The following PRKG1 variants were observed in gnomAD, a reference collection of about 807,000 sequenced individuals.
PRKG1 encodes the protein cGMP-dependent protein kinase 1.
In PRKG1, 35 loss-of-function variants were observed where a neutral mutation model predicts 88.1. The ratio of observed to expected loss-of-function variants is 0.40; its 90% confidence interval spans 0.30 to 0.53. The LOEUF is 0.53. Among genes scored for constraint, PRKG1 ranks in the 20% least tolerant of loss-of-function variants. The pLI, the probability that PRKG1 is intolerant of heterozygous loss-of-function variation, is 0.59. For missense variants in PRKG1, 540 were observed against 839.8 expected (o/e 0.64, Z 4.41); for synonymous variants, 303 against 292.5 (o/e 1.04, Z -0.37).
chr10:52,231,047 T>C (rs1840508983), intron 9 of PRKG1: 1 of 152,208 alleles, frequency 6.6e-6, no homozygotes, highest in Admixed American at 6.5e-5. Flanking sequence ...ATGTGCTTCT[T>C]CATGGAGCAC....
intron 9 of PRKG1, among the ~76,000 whole-genome samples, chr10:52,232,698 C>T (rs1840553857): frequency 6.6e-6 from 1 of 152,158 alleles, no homozygotes; most frequent in African/African-American, 2.4e-5. Flanking sequence ...GTGACTACTT[C>T]TGCTTCTGTT....
intron 1 of PRKG1, among the ~76,000 whole-genome samples, chr10:51,042,193 G>A (rs1223751895): frequency 3.3e-5 from 5 of 152,026 alleles, no homozygotes; most frequent in African/African-American, 1.2e-4. Flanking sequence ...TAAAATAATG[G>A]TGAGTAGTAA....
chr10:52,133,919 T>G lies in PRKG1; in HGVS notation c.1001+14T>G, dbSNP rs1002056522. ...GATTGACAGAGAGTAAGTACATTGT[T>G]TTATTATGTGAATTACACACTCATA... is the stretch of plus-strand genomic sequence containing the variant. On this transcript the variant is annotated intron_variant, in intron 8 of 17. Transcript: ENST00000373980. 1 of 1,605,538 alleles carries G rather than the reference T, an allele frequency of 6.2e-7. No individual in the cohort carries two copies. Among genetic ancestry groups the G allele is most frequent in the African/African-American group, 1.3e-5 (1 of 74,708 alleles).
At chr10:52,185,746 A>C (rs1839183526) in intron 9 of PRKG1, among the ~76,000 whole-genome samples, 1 of 152,198 alleles carries the variant, frequency 6.6e-6, no homozygotes, top group Admixed American at 6.5e-5. Context: ...TTACTCTTGC[A>C]TTTCGTGCAC....
chr10:51,636,899 T>C (rs76787061), intron 3 of PRKG1, among the ~76,000 whole-genome samples: 6,245 of 152,280 alleles, frequency 0.041, 201 homozygotes, highest in South Asian at 0.1. Flanking sequence ...TGAGTTTTAT[T>C]CTTCACAGGG....
chr10:51,324,261 C>T (rs1321050111), intron 2 of PRKG1, among the ~76,000 whole-genome samples: 1 of 152,126 alleles, frequency 6.6e-6, no homozygotes, highest in Non-Finnish European at 1.5e-5. Context: ...TCCTTCCTTT[C>T]CTTCCAGGCC....
intron 7 of PRKG1, among the ~76,000 whole-genome samples, chr10:52,073,265 T>C (rs1325590000): frequency 6.6e-6 from 1 of 152,234 alleles, no homozygotes; most frequent in African/African-American, 2.4e-5. Context: ...TGATCATATC[T>C]GGAAGACCTT....
At chr10:51,214,323 G>A (rs1293720268) in intron 2 of PRKG1, among the ~76,000 whole-genome samples, 1 of 152,144 alleles carries the variant, frequency 6.6e-6, no homozygotes, top group Non-Finnish European at 1.5e-5. Flanking sequence ...TCCCTTCAAT[G>A]ATATTTGTCC....
At chr10:52,272,241 T>A in intron 11 of PRKG1, 151 bp from the exon 12 acceptor site, 1 of 537,336 alleles carries the variant, frequency 1.9e-6, no homozygotes, top group East Asian at 3.1e-5. Flanking sequence ...AGCCATTGGC[T>A]TCTTTTCCCC....
chr10:51,168,504 T>A (rs546311451), intron 2 of PRKG1, among the ~76,000 whole-genome samples: 3 of 152,256 alleles, frequency 2.0e-5, no homozygotes, highest in South Asian at 4.1e-4. Context: ...TCAAATAGAG[T>A]AAACATCCAT....
chr10:51,456,190 C>G (rs1260040816), intron 2 of PRKG1, among the ~76,000 whole-genome samples: 3 of 152,134 alleles, frequency 2.0e-5, no homozygotes. Flanking sequence ...ACCATCAGAT[C>G]TCATAAGACT....
At chr10:51,358,285 C>A (rs1842408718) in intron 2 of PRKG1, among the ~76,000 whole-genome samples, 1 of 151,852 alleles carries the variant, frequency 6.6e-6, no homozygotes, top group Non-Finnish European at 1.5e-5. Context: ...ATCCAAGATA[C>A]CAAGGCAATG....
chr10:51,266,944 T>C (rs1324253506), intron 2 of PRKG1, among the ~76,000 whole-genome samples: 1 of 152,196 alleles, frequency 6.6e-6, no homozygotes, highest in East Asian at 1.9e-4. Context: ...GATTTAGATA[T>C]ATAAACAAAG....
At chr10:52,099,403 A>AT (rs1847245927) in intron 7 of PRKG1, among the ~76,000 whole-genome samples, 1 of 152,102 alleles carries the variant, frequency 6.6e-6, no homozygotes, top group Admixed American at 6.6e-5. Context: ...CTAGGAAGAG[A>AT]TTTTTCCCTG....
chr10:51,683,645 G>A (rs1302885996), intron 3 of PRKG1, among the ~76,000 whole-genome samples: 1 of 152,128 alleles, frequency 6.6e-6, no homozygotes, highest in East Asian at 1.9e-4. Flanking sequence ...TGATCTGACT[G>A]GATCCTACCA....
chr10:52,171,848 T>C (rs1183763321), intron 9 of PRKG1, among the ~76,000 whole-genome samples: 1 of 130,288 alleles, frequency 7.7e-6, no homozygotes, highest in Non-Finnish European at 1.5e-5. Flanking sequence ...CAGGTCGGAC[T>C]GCGGACTGCA....
chr10:51,837,887 A>G (rs1840171361), intron 4 of PRKG1, among the ~76,000 whole-genome samples: 1 of 152,034 alleles, frequency 6.6e-6, no homozygotes, highest in African/African-American at 2.4e-5. Context: ...AATTCACCCA[A>G]CTTTTTGCTT....
At chr10:51,520,731 A>G (rs1841714272) in intron 3 of PRKG1, among the ~76,000 whole-genome samples, 1 of 152,234 alleles carries the variant, frequency 6.6e-6, no homozygotes, top group Non-Finnish European at 1.5e-5. Context: ...ATTTTTGCAT[A>G]TTGACCTCAT....
Position 50,991,293 on chromosome 10 carries a change from C to CTGCCGGCTGCCG in PRKG1, c.-84_-73dup. On this transcript the variant is annotated 5_prime_UTR_variant, in exon 1 of 18. Transcript: ENST00000401604. This position sits in a 1 kb window ranked among gnomAD's most constrained non-coding sequence, Gnocchi z 4.5. ...TTCACTCGCTCACCCGCGCTCTCCG[C>CTGCCGGCTGCCG]TGCCGGCTGCCGTCCCAGCCGCCGC... 4 of 1,415,938 alleles carry CTGCCGGCTGCCG rather than the reference C, an allele frequency of 2.8e-6. No homozygotes were observed. The highest frequency in any genetic ancestry group is 3.7e-6 in the Non-Finnish European group (4 of 1,074,096). The allele number at this position is 1,415,938 out of a possible 1,614,324, so 87.7% of individuals were successfully genotyped here.
Sources: gnomAD v4.1 joint callset for allele counts (sites outside exome capture counted in the v4.1 genomes callset) on GRCh38, gnomAD v4.1.1 for gene constraint, Gnocchi (gnomAD v3.1) non-coding constraint, MANE v1.5 for transcripts, NCBI Gene and HGNC (gene_info 2026-07-23, HGNC 2026-07-21) for gene names.